Variants in REDIC1 observed in about 807,000 individuals in gnomAD.
REDIC1 encodes the protein HEI10 Interacting Protein 1.
chr12:39,831,578 T>C, the REDIC1 span, among the ~76,000 whole-genome samples: 1 of 152,164 alleles, frequency 6.6e-6, no homozygotes, highest in Non-Finnish European at 1.5e-5. Flanking sequence ...ATAGGGTTTT[T>C]ATGTTGGTCC....
the REDIC1 span, among the ~76,000 whole-genome samples, chr12:39,897,321 G>C: frequency 7.2e-5 from 11 of 152,180 alleles, no homozygotes; most frequent in Non-Finnish European, 1.2e-4. Context: ...TGAAAGATAA[G>C]CTCAAGCAGA....
At chr12:39,860,251 G>A in the REDIC1 span, among the ~76,000 whole-genome samples, 2 of 152,162 alleles carry the variant, frequency 1.3e-5, no homozygotes, top group African/African-American at 4.8e-5. Flanking sequence ...AAGATGAAAG[G>A]CTTGAATTAG....
chr12:39,717,947 A>G, the REDIC1 span, among the ~76,000 whole-genome samples: 3 of 150,276 alleles, frequency 2.0e-5, no homozygotes, highest in African/African-American at 7.4e-5. Context: ...TAACCTCCAT[A>G]TCTTGAAACC....
the REDIC1 span, chr12:39,864,702 A>G: frequency 6.3e-7 from 1 of 1,593,816 alleles, no homozygotes; most frequent in Non-Finnish European, 8.6e-7. Context: ...AAAAAAGTTA[A>G]AAGCAAGCAA....
the REDIC1 span, among the ~76,000 whole-genome samples, chr12:39,740,758 A>G: frequency 6.6e-6 from 1 of 152,182 alleles, no homozygotes; most frequent in South Asian, 2.1e-4. Flanking sequence ...GTATTTTTAG[A>G]AGATTATTTT....
chr12:39,778,093 A>G, the REDIC1 span, among the ~76,000 whole-genome samples: 1 of 152,116 alleles, frequency 6.6e-6, no homozygotes, highest in Non-Finnish European at 1.5e-5. Flanking sequence ...ATGCTCCCCT[A>G]GAGGTTTGAG....
the REDIC1 span, among the ~76,000 whole-genome samples, chr12:39,680,303 A>G: frequency 1.3e-5 from 2 of 152,194 alleles, no homozygotes; most frequent in African/African-American, 2.4e-5. Flanking sequence ...AATCCCATCA[A>G]AAAATGGGCT....
chr12:39,701,362 G>A, the REDIC1 span, among the ~76,000 whole-genome samples: 1 of 152,124 alleles, frequency 6.6e-6, no homozygotes, highest in South Asian at 2.1e-4. Context: ...AATGGTAAAG[G>A]GATCAATTCA....
chr12:39,662,618 TTG>T, the REDIC1 span, among the ~76,000 whole-genome samples: 1 of 152,102 alleles, frequency 6.6e-6, no homozygotes, highest in African/African-American at 2.4e-5. Flanking sequence ...TGGATGCCTT[TTG>T]TTTCTTTCTC....
the REDIC1 span, among the ~76,000 whole-genome samples, chr12:39,782,680 T>C: frequency 2.2e-4 from 34 of 151,892 alleles, no homozygotes; most frequent in African/African-American, 7.7e-4. Context: ...CAGACAAAGG[T>C]TGGAACAGTT....
At chr12:39,741,775 A>T in the REDIC1 span, among the ~76,000 whole-genome samples, 1 of 152,126 alleles carries the variant, frequency 6.6e-6, no homozygotes, top group Non-Finnish European at 1.5e-5. Context: ...CAGATTCTTT[A>T]ATTTGTAATT....
chr12:39,748,590 C>G, the REDIC1 span, among the ~76,000 whole-genome samples: 1 of 152,216 alleles, frequency 6.6e-6, no homozygotes. Flanking sequence ...CTACAGAACT[C>G]TCCACCCCAA....
the REDIC1 span, among the ~76,000 whole-genome samples, chr12:39,847,454 G>A: frequency 6.6e-6 from 1 of 152,096 alleles, no homozygotes; most frequent in African/African-American, 2.4e-5. Context: ...GTATTGCATG[G>A]GATTTCAGGA....
the REDIC1 span, among the ~76,000 whole-genome samples, chr12:39,719,152 G>C: frequency 6.6e-6 from 1 of 152,086 alleles, no homozygotes; most frequent in Non-Finnish European, 1.5e-5. Flanking sequence ...CCTTAGAAAG[G>C]AAGAGATGAC....
the REDIC1 span, among the ~76,000 whole-genome samples, chr12:39,846,324 C>A: frequency 6.6e-6 from 1 of 152,164 alleles, no homozygotes; most frequent in Admixed American, 6.6e-5. Context: ...AGGAGCATCA[C>A]ATTTTAATTG....
chr12:39,810,636 G>A, the REDIC1 span, among the ~76,000 whole-genome samples: 1 of 152,098 alleles, frequency 6.6e-6, no homozygotes, highest in East Asian at 1.9e-4. Flanking sequence ...GTATCAGGTC[G>A]AGGAAGTTTC....
the REDIC1 span, among the ~76,000 whole-genome samples, chr12:39,685,155 TGAG>T: frequency 6.6e-6 from 1 of 152,186 alleles, no homozygotes; most frequent in Non-Finnish European, 1.5e-5. Context: ...GACAAAATCT[TGAG>T]GACATTTTAA....
the REDIC1 span, among the ~76,000 whole-genome samples, chr12:39,820,129 A>G: frequency 3.3e-5 from 5 of 152,166 alleles, no homozygotes; most frequent in African/African-American, 1.2e-4. Flanking sequence ...GACAACAAAA[A>G]GAAAAAAAAT....
chr12:39,658,238 G>A, the REDIC1 span, among the ~76,000 whole-genome samples: 2 of 151,848 alleles, frequency 1.3e-5, no homozygotes, highest in African/African-American at 2.4e-5. Flanking sequence ...CTCCCACCAC[G>A]CCTGGCTAAG....
Sources: allele counts gnomAD v4.1 joint callset (sites outside exome capture counted in the v4.1 genomes callset), GRCh38; gene constraint gnomAD v4.1.1; transcripts MANE v1.5; gene names NCBI Gene and HGNC (gene_info 2026-07-23, HGNC 2026-07-21).